Variants in TBC1D22B observed in about 807,000 individuals in gnomAD.
TBC1D22B encodes the protein TBC1 domain family member 22B, also known as chromosome 6 open reading frame 197.
A neutral mutation model predicts 69.1 loss-of-function variants in TBC1D22B; 32 were observed. That is an observed-to-expected ratio of 0.46 (90% confidence interval 0.35 to 0.62). The LOEUF is 0.62. TBC1D22B is among the 20% of genes least tolerant of loss of function. The pLI is 0.00. For missense variants in TBC1D22B, 462 were observed against 630.9 expected (o/e 0.73, Z 2.87); for synonymous variants, 206 against 229.8 (o/e 0.90, Z 0.94).
At chr6:37,261,393 C>T (rs984412471) in intron 1 of TBC1D22B, among the ~76,000 whole-genome samples, 1 of 148,504 alleles carries the variant, frequency 6.7e-6, no homozygotes, top group Non-Finnish European at 1.5e-5. Flanking sequence ...GATTGCGTCA[C>T]TCCACTCCAG....
intron 12 of TBC1D22B, among the ~76,000 whole-genome samples, chr6:37,321,863 T>G (rs1465623754): frequency 6.6e-6 from 1 of 152,108 alleles, no homozygotes; most frequent in Non-Finnish European, 1.5e-5. Flanking sequence ...ACAAGAAGTG[T>G]TCTCTGTTTT....
chr6:37,272,017 A>G (rs925257218), intron 2 of TBC1D22B, among the ~76,000 whole-genome samples: 2 of 152,116 alleles, frequency 1.3e-5, no homozygotes, highest in Admixed American at 6.6e-5. Flanking sequence ...TGTCTCATTT[A>G]CTTAAACAGC....
rs1464575478 is a variant in TBC1D22B at position 37,284,372 on chromosome 6, A to T, written c.709A>T (p.Thr237Ser). 6.2e-7 allele frequency: 1 copy of T among 1,613,866 alleles called. No individual in the cohort carries two copies. Among genetic ancestry groups the T allele is most frequent in the East Asian group, 2.2e-5 (1 of 44,890 alleles). Residue 237 changes from threonine to serine, a missense_variant, in exon 6 of 13, where the codon ACC (threonine) becomes TCC (serine). Thr to Ser is a moderately conservative substitution (Grantham distance 58, BLOSUM62 1). Coordinates refer to ENST00000373491, the MANE Select transcript of TBC1D22B (RefSeq NM_017772.4). ...LPANTERRKL[T>S]LQRKREEYFG... ...AGCAAACACTGAGAGGAGGAAGTTG[A>T]CCCTGCAGCGGAAGCGGGAGGAATA...
In TBC1D22B at chr6:37,331,077, A is replaced by G; in HGVS notation, c.1423A>G (p.Ile475Val). 2 of 1,614,106 alleles carry G rather than the reference A, an allele frequency of 1.2e-6. No homozygotes were observed. The highest frequency in any genetic ancestry group is 1.7e-6 in the Non-Finnish European group (2 of 1,179,996). Residue 475 changes from isoleucine (I) to valine (V), a missense_variant, in exon 13 of 13, where the codon ATA becomes GTA. Ile to Val is a conservative substitution (Grantham distance 29). This residue lies in a region of TBC1D22B where 225 missense variants were observed against 375.4 expected (regional missense o/e 0.60). Coordinates refer to ENST00000373491, the MANE Select transcript of TBC1D22B (RefSeq NM_017772.4). ...CATGCTGCTACAGAACCTACCTACA[A>G]TACACTGGGGCAACGAAGAAATTGG... is the stretch of plus-strand genomic sequence containing the variant. Reference protein sequence around the residue: ...LLMLLQNLPTIHWGNEEIGLL... With the variant: ...LLMLLQNLPTVHWGNEEIGLL...
chr6:37,289,403 A>G (rs1480536935), intron 7 of TBC1D22B, among the ~76,000 whole-genome samples: 3 of 152,196 alleles, frequency 2.0e-5, no homozygotes, highest in African/African-American at 4.8e-5. Context: ...TCTATAGCGA[A>G]CATCCCATGG....
intron 7 of TBC1D22B, among the ~76,000 whole-genome samples, chr6:37,289,191 C>G (rs920531604): frequency 3.3e-5 from 5 of 152,218 alleles, no homozygotes; most frequent in African/African-American, 4.8e-5. Context: ...GAGCCACCAT[C>G]CAGGCTGGTA....
At chr6:37,326,353 G>A (rs1458171145) in intron 12 of TBC1D22B, among the ~76,000 whole-genome samples, 1 of 141,400 alleles carries the variant, frequency 7.1e-6, no homozygotes, top group South Asian at 2.3e-4. Context: ...ACTCCAGCCT[G>A]GTGACAGAGT....
intron 12 of TBC1D22B, among the ~76,000 whole-genome samples, chr6:37,320,310 TGTAA>T: frequency 6.6e-6 from 1 of 152,174 alleles, no homozygotes; most frequent in Non-Finnish European, 1.5e-5. Flanking sequence ...AACATGCAGC[TGTAA>T]GTAAGTAACT....
chr6:37,273,532 G>A (rs989215003), intron 2 of TBC1D22B, among the ~76,000 whole-genome samples: 2 of 152,172 alleles, frequency 1.3e-5, no homozygotes, highest in African/African-American at 4.8e-5. Context: ...ATCCCAAACT[G>A]CCAAGGCAAA....
intron 8 of TBC1D22B, among the ~76,000 whole-genome samples, chr6:37,306,099 T>G (rs1209657177): frequency 6.6e-6 from 1 of 152,116 alleles, no homozygotes; most frequent in East Asian, 1.9e-4. Flanking sequence ...TTGAAGACAG[T>G]GTGTGCGTTT....
At chr6:37,269,508 C>T (rs1177634364) in intron 1 of TBC1D22B, 86 bp from the exon 2 acceptor site, 1 of 1,298,356 alleles carries the variant, frequency 7.7e-7, no homozygotes, top group East Asian at 2.4e-5. Context: ...AAGTCTCATC[C>T]AATTTTGTGA....
chr6:37,318,080 AG>A (rs1768132683), intron 12 of TBC1D22B, among the ~76,000 whole-genome samples: 1 of 152,198 alleles, frequency 6.6e-6, no homozygotes, highest in Admixed American at 6.5e-5. Flanking sequence ...AATCTGACTT[AG>A]TTTCAGTAGG....
intron 1 of TBC1D22B, among the ~76,000 whole-genome samples, chr6:37,261,436 A>G (rs1583516723): frequency 6.6e-6 from 1 of 151,188 alleles, no homozygotes; most frequent in East Asian, 1.9e-4. Flanking sequence ...TGTCTCCAAA[A>G]AAAAAAAAAA....
intron 2 of TBC1D22B, among the ~76,000 whole-genome samples, chr6:37,271,737 A>G (rs2113724125): frequency 6.6e-6 from 1 of 152,252 alleles, no homozygotes; most frequent in African/African-American, 2.4e-5. Context: ...TATGTAGTGC[A>G]CTTTCTATAA....
intron 1 of TBC1D22B, among the ~76,000 whole-genome samples, chr6:37,262,029 AC>A (rs1766119867): frequency 8.5e-5 from 5 of 59,116 alleles, no homozygotes; most frequent in East Asian, 5.8e-4. Context: ...AAAAAAAATC[AC>A]CTTTTTTTTT....
intron 8 of TBC1D22B, among the ~76,000 whole-genome samples, chr6:37,292,238 G>T (rs1200089424): frequency 6.8e-6 from 1 of 147,662 alleles, no homozygotes. Flanking sequence ...GAGGGTAGTG[G>T]ATGATTGTGG....
chr6:37,274,977 G>A (rs11758286), intron 2 of TBC1D22B, among the ~76,000 whole-genome samples: 24,220 of 152,130 alleles, frequency 0.16, 2,383 homozygotes, highest in Non-Finnish European at 0.21. Flanking sequence ...GCTTGAACCC[G>A]GAGGCGGAGA....
chr6:37,290,589 G>A (rs1312618966), intron 7 of TBC1D22B, among the ~76,000 whole-genome samples: 2 of 152,092 alleles, frequency 1.3e-5, no homozygotes, highest in Admixed American at 6.6e-5. Flanking sequence ...TGGGGCCCTG[G>A]CTGGTTTCTC....
chr6:37,298,818 T>C (rs1386199980), intron 8 of TBC1D22B, among the ~76,000 whole-genome samples: 1 of 152,198 alleles, frequency 6.6e-6, no homozygotes, highest in African/African-American at 2.4e-5. Context: ...GTGTTGGGAT[T>C]ACAGGCGTGA....
Sources: allele counts gnomAD v4.1 joint callset (sites outside exome capture counted in the v4.1 genomes callset), GRCh38; gene constraint gnomAD v4.1.1; regional missense constraint gnomAD v4.1.1; transcripts MANE v1.5; gene names NCBI Gene and HGNC (gene_info 2026-07-23, HGNC 2026-07-21).